The following ACTN4 variants were observed in gnomAD, a reference collection of about 807,000 sequenced individuals.
ACTN4 encodes the protein actinin alpha 4, also known as alpha-actinin-4.
A neutral mutation model predicts 114.2 loss-of-function variants in ACTN4; 18 were observed. That is an observed-to-expected ratio of 0.16 (90% confidence interval 0.11 to 0.23). The LOEUF is 0.23. Among genes scored for constraint, ACTN4 ranks in the 10% least tolerant of loss-of-function variants. The pLI is 1.00. For synonymous variants in ACTN4, 515 were observed against 506.3 expected (o/e 1.02, Z -0.23); for missense variants, 722 against 1,262.9 (o/e 0.57, Z 6.49).
intron 1 of ACTN4, among the ~76,000 whole-genome samples, chr19:38,697,538 G>T (rs1457113396): frequency 6.6e-6 from 1 of 152,260 alleles, no homozygotes; most frequent in Non-Finnish European, 1.5e-5. Flanking sequence ...AAGTCACTTG[G>T]TTGAAAACAT....
chr19:38,718,272 A>T (rs967248026), intron 11 of ACTN4, 198 bp downstream of exon 11: 2 of 958,182 alleles, frequency 2.1e-6, no homozygotes, highest in Non-Finnish European at 3.2e-6. Flanking sequence ...CACACCTGTA[A>T]TCCCAGCACT....
chr19:38,697,662 C>T (rs1333405147), intron 1 of ACTN4, among the ~76,000 whole-genome samples: 1 of 152,240 alleles, frequency 6.6e-6, no homozygotes, highest in African/African-American at 2.4e-5. Context: ...TGTTTGCACG[C>T]GTGCGTGGCC....
chr19:38,662,807 G>C (rs1411768806), intron 1 of ACTN4, among the ~76,000 whole-genome samples: 1 of 152,064 alleles, frequency 6.6e-6, no homozygotes, highest in Admixed American at 6.6e-5. Context: ...AGGGGGAGCT[G>C]CCTCTTTCTA....
At position 38,730,626 on chromosome 19, in the gene ACTN4, G is replaced by A. The variant is rs1246345085; in HGVS notation, c.*1194G>A. On this transcript the variant is annotated 3_prime_UTR_variant, in exon 21 of 21. Coordinates refer to ENST00000252699, the MANE Select transcript of ACTN4 (RefSeq NM_004924.6). The stretch of plus-strand genomic sequence containing the variant: ...GCTAGCACTGTCTTAAGCTGTCAAC[G>A]TGGACTAGCTCGTGTCATCTGCTCG... 1.6e-5 allele frequency: 10 copies of A among 609,310 alleles called. 1 individual carries two copies. Among genetic ancestry groups the A allele is most frequent in the Admixed American group, 8.3e-5 (3 of 36,276 alleles). 37.7% of individuals were successfully genotyped at this position (609,310 alleles called of 1,614,324 possible).
At chr19:38,690,142 G>A (rs543139720) in intron 1 of ACTN4, among the ~76,000 whole-genome samples, 1 of 152,340 alleles carries the variant, frequency 6.6e-6, no homozygotes, top group East Asian at 1.9e-4. Flanking sequence ...TGAGGCGGGA[G>A]TGGGCCACCC....
intron 1 of ACTN4, among the ~76,000 whole-genome samples, chr19:38,666,045 C>T (rs1173189233): frequency 6.6e-6 from 1 of 152,058 alleles, no homozygotes. Flanking sequence ...GAGCCTGTGC[C>T]CAGCTGCCGA....
intron 16 of ACTN4, 66 bp from the exon 17 acceptor site, chr19:38,725,658 T>C (rs950712182): frequency 1.3e-6 from 2 of 1,569,236 alleles, no homozygotes; most frequent in African/African-American, 1.4e-5. Flanking sequence ...GCGAGTGGGC[T>C]CCTCCAGGTG....
chr19:38,685,626 G>A (rs1041051944), intron 1 of ACTN4, among the ~76,000 whole-genome samples: 1 of 152,128 alleles, frequency 6.6e-6, no homozygotes, highest in East Asian at 1.9e-4. Flanking sequence ...CGTACCCTGG[G>A]TTCAGAGAGT....
intron 1 of ACTN4, among the ~76,000 whole-genome samples, chr19:38,682,713 A>G (rs1967616192): frequency 6.6e-6 from 1 of 151,920 alleles, no homozygotes; most frequent in African/African-American, 2.4e-5. Flanking sequence ...TTAGGATGAA[A>G]CCCACACTGC....
intron 1 of ACTN4, among the ~76,000 whole-genome samples, chr19:38,689,916 C>G (rs1967867484): frequency 6.6e-6 from 1 of 152,082 alleles, no homozygotes; most frequent in Non-Finnish European, 1.5e-5. Flanking sequence ...TTTCCTAGGC[C>G]GACTAAGAAT....
At position 38,724,083 on chromosome 19, in the gene ACTN4, C is replaced by T; in HGVS notation, c.1692+6C>T. The T allele has an allele frequency of 6.2e-7, 1 of 1,613,628 alleles. No individual in the cohort carries two copies. The highest frequency in any genetic ancestry group is 1.3e-5 in the African/African-American group (1 of 75,002). ...ATACCATCGAGGAGATTGAGGTTCG[C>T]ACCCCCCGGCCCCCCATCTTCCCAA... On this transcript the variant is annotated splice_donor_region_variant and intron_variant, in intron 14 of 20. Coordinates refer to ENST00000252699, the MANE Select transcript of ACTN4 (RefSeq NM_004924.6). The surrounding 1 kb of genome is among the most constrained non-coding windows in gnomAD (Gnocchi z 7.0).
At chr19:38,667,420 G>C (rs1332048065) in intron 1 of ACTN4, among the ~76,000 whole-genome samples, 2 of 152,056 alleles carry the variant, frequency 1.3e-5, no homozygotes, top group African/African-American at 4.8e-5. Flanking sequence ...CACAAGGGGT[G>C]GGGGGTGTCT....
chr19:38,648,727 A>G (rs1976464894), intron 1 of ACTN4, among the ~76,000 whole-genome samples: 1 of 151,894 alleles, frequency 6.6e-6, no homozygotes, highest in South Asian at 2.1e-4. Flanking sequence ...AGGAGGAATA[A>G]TAAGAGGAAT....
intron 19 of ACTN4, chr19:38,728,472 G>T: frequency 1.5e-6 from 1 of 677,130 alleles, no homozygotes; most frequent in Non-Finnish European, 1.9e-6. Context: ...CCCCCTCACC[G>T]CCTCCAGAGC....
chr19:38,677,721 C>T (rs1475356560), intron 1 of ACTN4, among the ~76,000 whole-genome samples: 2 of 152,180 alleles, frequency 1.3e-5, no homozygotes, highest in African/African-American at 4.8e-5. Flanking sequence ...GAAACACAAA[C>T]AGGATGCGAT....
chr19:38,710,968 C>G (rs566611878), intron 8 of ACTN4: 4 of 164,940 alleles, frequency 2.4e-5, no homozygotes, highest in African/African-American at 9.6e-5. Flanking sequence ...GGTCTTACTC[C>G]GTGGTGGGAG....
At chr19:38,686,448 G>C (rs1599797965) in intron 1 of ACTN4, among the ~76,000 whole-genome samples, 1 of 145,166 alleles carries the variant, frequency 6.9e-6, no homozygotes, top group Non-Finnish European at 1.5e-5. Context: ...CACCCTCCCT[G>C]TTCTCCAGGT....
At chr19:38,720,091 G>A (rs956469498) in intron 11 of ACTN4, among the ~76,000 whole-genome samples, 1 of 152,232 alleles carries the variant, frequency 6.6e-6, no homozygotes, top group African/African-American at 2.4e-5. Context: ...CGTGAAACAG[G>A]ACAGGCAGGC....
rs1969289102 is a variant in ACTN4, at chr19:38,727,753, G to C, written c.2338-193G>C. ...CTTCCTTTGAGCTTCCGAGGTTGGG[G>C]AAAGGATGAAAGGGGCCCGTGCCGC... On this transcript the variant is annotated intron_variant, in intron 18 of 20. Coordinates refer to ENST00000252699, the MANE Select transcript of ACTN4 (RefSeq NM_004924.6). This position sits in a 1 kb window ranked among gnomAD's most constrained non-coding sequence, Gnocchi z 5.4. 4 of 609,998 alleles carry C rather than the reference G, an allele frequency of 6.6e-6. No individual in the cohort carries two copies. Among genetic ancestry groups the C allele is most frequent in the Non-Finnish European group, 1.2e-5 (4 of 342,460 alleles). The allele number at this position is 609,998 out of a possible 1,614,324, so 37.8% of individuals were successfully genotyped here.
Sources: gnomAD v4.1 joint callset for allele counts (sites outside exome capture counted in the v4.1 genomes callset) on GRCh38, gnomAD v4.1.1 for gene constraint, Gnocchi (gnomAD v3.1) non-coding constraint, MANE v1.5 for transcripts, NCBI Gene and HGNC (gene_info 2026-07-23, HGNC 2026-07-21) for gene names.